TNKS2: variants seen among roughly 807,000 people sequenced by gnomAD.
TNKS2 encodes the protein tankyrase 2.
Under a neutral mutation model 137.6 loss-of-function variants are expected in TNKS2, and 72 were observed. The ratio of observed to expected loss-of-function variants is 0.52; its 90% CI spans 0.43 to 0.64. TNKS2 has a LOEUF of 0.64. Ranked by LOEUF, TNKS2 falls within the 30% of genes least tolerant of loss-of-function variation. The pLI, the probability that TNKS2 is intolerant of heterozygous loss-of-function variation, is 0.00. For synonymous variants in TNKS2, 516 were observed against 512.1 expected (o/e 1.01, Z -0.10); for missense variants, 1,049 against 1,410.2 (o/e 0.74, Z 4.10).
intron 13 of TNKS2, among the ~76,000 whole-genome samples, chr10:91,837,306 T>C (rs1842055184): frequency 2.0e-5 from 3 of 152,226 alleles, no homozygotes; most frequent in Admixed American, 2.0e-4. Flanking sequence ...TATCAAATTA[T>C]TTTATATTAC....
intron 2 of TNKS2, among the ~76,000 whole-genome samples, chr10:91,814,355 A>G (rs1844604470): frequency 1.3e-5 from 2 of 152,236 alleles, no homozygotes. Flanking sequence ...TTAAGCTGTT[A>G]TTACAAAAGT....
intron 6 of TNKS2, 151 bp from the exon 7 acceptor site, chr10:91,822,145 G>GA: frequency 1.7e-6 from 1 of 573,344 alleles, no homozygotes; most frequent in South Asian, 3.0e-5. Flanking sequence ...GGTTCAAATG[G>GA]ATGTTACTAA....
rs551212396 is a variant in TNKS2, at chr10:91,810,135, C to T, written c.200-2848C>T. On this transcript the variant is annotated intron_variant, in intron 1 of 26. Transcript: ENST00000371627. ...CGGTGGCTTGTGCCTGTAATCCCCA[C>T]ACTTTGGGAGGCTGAGGATTACTTG... 3.4e-4 allele frequency among the ~76,000 whole-genome samples: 52 copies of T among 152,236 alleles called. 1 individual carries two copies. The East Asian group carries it at 9.9e-3, about 29-fold the overall frequency.
chr10:91,852,249 TA>T (rs1842561970), intron 21 of TNKS2, among the ~76,000 whole-genome samples: 1 of 144,976 alleles, frequency 6.9e-6, no homozygotes, highest in African/African-American at 2.6e-5. Flanking sequence ...ATAAATAATA[TA>T]AAAAAATAAA....
Position 91,812,975 on chromosome 10 carries a change from T to A in TNKS2, c.200-8T>A. 1 of 1,613,624 alleles carries A rather than the reference T, an allele frequency of 6.2e-7. No individual in the cohort carries two copies. The highest frequency in any genetic ancestry group is 8.5e-7 in the Non-Finnish European group (1 of 1,179,646). ...GAACTTACGTGTGGACAATTTGTTT[T>A]CATCTAGGTTTTGGGCGGAAAGACG... On this transcript the variant is annotated splice_polypyrimidine_tract_variant and splice_region_variant and intron_variant, in intron 1 of 26. Coordinates refer to ENST00000371627, the MANE Select transcript of TNKS2 (RefSeq NM_025235.4).
At chr10:91,846,788 G>A (rs527583795) in intron 18 of TNKS2, among the ~76,000 whole-genome samples, 1 of 151,654 alleles carries the variant, frequency 6.6e-6, no homozygotes, top group Non-Finnish European at 1.5e-5. Flanking sequence ...TATCTCTTCA[G>A]GGAAATATCT....
intron 17 of TNKS2, 150 bp from the exon 18 acceptor site, chr10:91,845,602 T>C (rs150790578): frequency 3.8e-6 from 2 of 528,324 alleles, no homozygotes; most frequent in East Asian, 6.3e-5. Context: ...CAGCTACTCA[T>C]AAGTTGTGAT....
At chr10:91,843,573 G>C (rs1842278406) in intron 16 of TNKS2, among the ~76,000 whole-genome samples, 1 of 152,188 alleles carries the variant, frequency 6.6e-6, no homozygotes, top group African/African-American at 2.4e-5. Flanking sequence ...AACTGGCACA[G>C]TGTACCTTTG....
intron 11 of TNKS2, among the ~76,000 whole-genome samples, chr10:91,831,760 A>G (rs1256378427): frequency 6.6e-6 from 1 of 152,202 alleles, no homozygotes; most frequent in Non-Finnish European, 1.5e-5. Flanking sequence ...AGAAACTTTT[A>G]AAAGTACTAC....
chr10:91,799,814 T>A (rs1308056233), intron 1 of TNKS2, among the ~76,000 whole-genome samples: 1 of 152,160 alleles, frequency 6.6e-6, no homozygotes, highest in Non-Finnish European at 1.5e-5. Flanking sequence ...AAAATGGGAG[T>A]ACCTCCTCTT....
chr10:91,806,815 C>T (rs1242717553), intron 1 of TNKS2, among the ~76,000 whole-genome samples: 1 of 152,122 alleles, frequency 6.6e-6, no homozygotes, highest in Non-Finnish European at 1.5e-5. Flanking sequence ...ATTTAATGTT[C>T]TTTTAAGGAA....
At position 91,833,984 on chromosome 10, in the gene TNKS2, T is replaced by G; in HGVS notation, c.1407T>G (p.Ala469=). 3 of 1,608,692 alleles carry G rather than the reference T, an allele frequency of 1.9e-6. No individual in the cohort carries two copies. The highest frequency in any genetic ancestry group is 2.5e-6 in the Non-Finnish European group (3 of 1,178,288). ...TTATATCCCTTCAGGGCTTTACTGC[T>G]TTACAGATGGGAAATGAAAATGTAC... ...PNIISLQGFT[A]LQMGNENVQQ... The change falls in exon 12 of 27, where the codon GCT becomes GCG. Residue 469 remains alanine, a synonymous_variant. Coordinates refer to ENST00000371627, the MANE Select transcript of TNKS2 (RefSeq NM_025235.4).
rs557067557 is a variant in TNKS2, at chr10:91,839,705, C to T, written c.1528-856C>T. On this transcript the variant is annotated intron_variant, in intron 13 of 26. Coordinates refer to ENST00000371627, the MANE Select transcript of TNKS2 (RefSeq NM_025235.4). ...TAGAAGTGGAGATTTTTAGGCTCCA[C>T]ACCAGTTACACTGAAAATTTGAGGG... Among the ~76,000 whole-genome samples the T allele has an allele frequency of 2.6e-5, 4 of 152,296 alleles. No homozygotes were observed. The South Asian group carries it at 8.3e-4, about 32-fold the overall frequency.
intron 19 of TNKS2, among the ~76,000 whole-genome samples, chr10:91,848,861 A>G (rs972117991): frequency 2.6e-5 from 4 of 152,084 alleles, no homozygotes; most frequent in Non-Finnish European, 4.4e-5. Context: ...TTTGAGATGG[A>G]GTTCTGCTTT....
intron 6 of TNKS2, among the ~76,000 whole-genome samples, chr10:91,821,376 C>T (rs1844887780): frequency 6.6e-6 from 1 of 151,934 alleles, no homozygotes; most frequent in Non-Finnish European, 1.5e-5. Flanking sequence ...ATAGTGGTAG[C>T]ATCTAGTAGG....
chr10:91,821,192 C>G (rs975296598), intron 6 of TNKS2, among the ~76,000 whole-genome samples: 2 of 152,118 alleles, frequency 1.3e-5, no homozygotes, highest in African/African-American at 4.8e-5. Context: ...TGCACACCAC[C>G]ACGCCTGGCT....
intron 24 of TNKS2, 102 bp downstream of exon 24, chr10:91,857,632 T>C (rs915304624): frequency 1.8e-5 from 10 of 550,046 alleles, no homozygotes; most frequent in Admixed American, 3.8e-5. Context: ...TTTATGTCAG[T>C]ATTTTAAGAT....
intron 21 of TNKS2, among the ~76,000 whole-genome samples, chr10:91,853,879 G>A (rs1200260961): frequency 6.6e-6 from 1 of 152,200 alleles, no homozygotes; most frequent in East Asian, 1.9e-4. Flanking sequence ...AGCAGTAAAG[G>A]ATTTGGCCCC....
chr10:91,844,978 G>T lies in TNKS2; in HGVS notation c.2119G>T (p.Ala707Ser), dbSNP rs779694071. The change falls in exon 17 of 27, where the codon GCC becomes TCC. Residue 707 changes from alanine (A) to serine (S), a missense_variant. Physicochemically the swap from Ala to Ser is moderately conservative, Grantham distance 99. Coordinates refer to ENST00000371627, the MANE Select transcript of TNKS2 (RefSeq NM_025235.4). ...GTTACAACACGGAGCTGATGTGAAT[G>T]CCCAAGACAAAGGAGGACTTATTCC... ...YLLQHGADVN[A>S]QDKGGLIPLH... 1 of 1,613,590 alleles carries T rather than the reference G, an allele frequency of 6.2e-7. No individual in the cohort carries two copies. Among genetic ancestry groups the T allele is most frequent in the Admixed American group, 1.7e-5 (1 of 59,978 alleles).
Sources: gnomAD v4.1 joint callset for allele counts (sites outside exome capture counted in the v4.1 genomes callset) on GRCh38, gnomAD v4.1.1 for gene constraint, MANE v1.5 for transcripts, NCBI Gene and HGNC (gene_info 2026-07-23, HGNC 2026-07-21) for gene names.